Variants in NEXMIF observed in about 807,000 individuals in gnomAD.
NEXMIF encodes XLMR protein related to neurite extension.
NEXMIF carries 8 observed loss-of-function variants against 62.1 expected under a neutral mutation model. The ratio of observed to expected loss-of-function variants is 0.13; its 90% CI spans 0.08 to 0.23. NEXMIF has a LOEUF of 0.23. NEXMIF is among the 10% of genes least tolerant of loss of function. The pLI is 1.00. For synonymous variants in NEXMIF, 404 were observed against 416.6 expected (o/e 0.97, Z 0.37); for missense variants, 976 against 1,113.3 (o/e 0.88, Z 1.75).
intron 1 of NEXMIF, among the ~76,000 whole-genome samples, chrX:74,752,091 G>A (rs1438863529): frequency 4.5e-5 from 5 of 111,597 alleles, no homozygotes; most frequent in Non-Finnish European, 7.5e-5. Flanking sequence ...ACAGGCATGA[G>A]CCACTATGCC....
At position 74,775,087 on chromosome X, in the gene NEXMIF, T is replaced by C. The variant is rs757247501; in HGVS notation, c.-47-29390A>G. Reference sequence around the variant, plus strand: ...CTGTTATCCTGACCCACGTTGTTTTTTCCCCCACATCAGCTAATGGATAAG... The same window carrying C: ...CTGTTATCCTGACCCACGTTGTTTTCTCCCCCACATCAGCTAATGGATAAG... On this transcript the variant is annotated intron_variant, in intron 1 of 3. Transcript: ENST00000055682. Among the ~76,000 whole-genome samples, 6 of 111,778 alleles carry C rather than the reference T, an allele frequency of 5.4e-5. No individual in the cohort carries two copies. In the South Asian group the frequency reaches 2.3e-3, roughly 43 times the overall value.
intron 1 of NEXMIF, among the ~76,000 whole-genome samples, chrX:74,863,468 C>T (rs1193777854): frequency 9.0e-6 from 1 of 111,421 alleles, no homozygotes; most frequent in African/African-American, 3.3e-5. Flanking sequence ...ATACAAAAAA[C>T]CATCAGAGAA....
At chrX:74,811,260 G>C (rs573424648) in intron 1 of NEXMIF, among the ~76,000 whole-genome samples, 1 of 111,597 alleles carries the variant, frequency 9.0e-6, no homozygotes, top group African/African-American at 3.3e-5. Context: ...TGGCAATAAA[G>C]GTCTTCTAAG....
At chrX:74,917,798 T>C (rs1036932667) in intron 1 of NEXMIF, among the ~76,000 whole-genome samples, 1 of 110,999 alleles carries the variant, frequency 9.0e-6, no homozygotes, top group Non-Finnish European at 1.9e-5. Context: ...GAAATGTGAG[T>C]GAGCTTTTAT....
intron 1 of NEXMIF, among the ~76,000 whole-genome samples, chrX:74,899,315 T>C (rs1359139733): frequency 3.6e-5 from 4 of 111,370 alleles, no homozygotes; most frequent in Non-Finnish European, 7.5e-5. Flanking sequence ...TGATCTTATA[T>C]ATACAAAACC....
intron 1 of NEXMIF, among the ~76,000 whole-genome samples, chrX:74,898,338 T>C (rs1053300692): frequency 9.0e-6 from 1 of 111,265 alleles, no homozygotes; most frequent in Non-Finnish European, 1.9e-5. Flanking sequence ...ATCAGGTGAA[T>C]CCCAATTAAG....
rs1187453441 is a variant in NEXMIF at position 74,742,002 on chromosome X, A to G, written c.2555T>C (p.Phe852Ser). 1 of 1,209,901 alleles carries G rather than the reference A, an allele frequency of 8.3e-7. No homozygotes were observed. The highest frequency in any genetic ancestry group is 1.1e-6 in the Non-Finnish European group (1 of 895,137). Residue 852 changes from phenylalanine to serine, a missense_variant, in exon 3 of 4, where the codon TTT becomes TCT. Physicochemically the swap from Phe to Ser is radical, Grantham distance 155. Coordinates refer to ENST00000055682, the MANE Select transcript of NEXMIF (RefSeq NM_001008537.3). ...GTCCTGGGTAGGCTGGAGGGGTACA[A>G]ATGATTTTTCGGTTTGAGTGAGGCT... ...EGSLTQTEKS[F>S]VPLQPTQDCV...
chrX:74,820,112 TCA>T (rs1324041603), intron 1 of NEXMIF, among the ~76,000 whole-genome samples: 1 of 110,445 alleles, frequency 9.1e-6, no homozygotes, highest in Non-Finnish European at 1.9e-5. Context: ...CCACATTTTC[TCA>T]CTCATAGGTG....
At chrX:74,806,509 C>G (rs1402009528) in intron 1 of NEXMIF, among the ~76,000 whole-genome samples, 3 of 111,585 alleles carry the variant, frequency 2.7e-5, no homozygotes, top group Non-Finnish European at 5.6e-5. Context: ...TTAATTGTAA[C>G]AAATGTATCA....
Position 74,843,522 on chromosome X carries a change from C to T in NEXMIF, c.-48+81361G>A, listed in dbSNP as rs192348576. 8.1e-5 allele frequency among the ~76,000 whole-genome samples: 9 copies of T among 110,545 alleles called. No homozygotes were observed. The East Asian group carries it at 2.6e-3, about 32-fold the overall frequency. ...CTCCACCTCCCAGGTTCACATCATC[C>T]TCCTGCCTCAGCCTCCCGAGTAGCT... On this transcript the variant is annotated intron_variant, in intron 1 of 3. Transcript: ENST00000055682.
chrX:74,827,861 C>T (rs2147482481), intron 1 of NEXMIF, among the ~76,000 whole-genome samples: 1 of 111,863 alleles, frequency 8.9e-6, no homozygotes, highest in Non-Finnish European at 1.9e-5. Context: ...CCAACCCACC[C>T]CATCCCTGTG....
intron 1 of NEXMIF, among the ~76,000 whole-genome samples, chrX:74,870,288 A>AC (rs1391648047): frequency 2.7e-5 from 3 of 110,749 alleles, no homozygotes; most frequent in Non-Finnish European, 5.7e-5. Context: ...AGGAAACTTG[A>AC]CCCCCCATCT....
chrX:74,756,109 G>A (rs1243051369), intron 1 of NEXMIF, among the ~76,000 whole-genome samples: 7 of 108,725 alleles, frequency 6.4e-5, no homozygotes, highest in East Asian at 5.8e-4. Flanking sequence ...TCCTGATCTC[G>A]TGATCCACCA....
intron 1 of NEXMIF, among the ~76,000 whole-genome samples, chrX:74,780,403 G>A (rs1466838053): frequency 9.3e-6 from 1 of 107,791 alleles, no homozygotes; most frequent in Non-Finnish European, 1.9e-5. Flanking sequence ...TAGAGATGGG[G>A]TCTGGCTCTG....
In NEXMIF at chrX:74,744,417, A is replaced by G; in HGVS notation, c.140T>C (p.Ile47Thr). 1 of 1,209,645 alleles carries G rather than the reference A, an allele frequency of 8.3e-7. No homozygotes were observed. The highest frequency in any genetic ancestry group is 2.3e-4 in the Middle Eastern group (1 of 4,319). Residue 47 changes from isoleucine to threonine, a missense_variant, in exon 3 of 4, where the codon ATC becomes ACC. This residue lies in a region of NEXMIF where 126 missense variants were observed against 146.5 expected (regional missense o/e 0.86). Coordinates refer to ENST00000055682, the MANE Select transcript of NEXMIF (RefSeq NM_001008537.3). ...SFAALEAAAPIQPTPVAQKET... is the reference protein window; with the variant it reads ...SFAALEAAAPTQPTPVAQKET... Reference sequence around the variant, plus strand: ...TTTTTGTGCCACCGGTGTAGGCTGGATAGGTGCAGCAGCTTCTAGAGCTGC... The same window carrying G: ...TTTTTGTGCCACCGGTGTAGGCTGGGTAGGTGCAGCAGCTTCTAGAGCTGC...
chrX:74,763,023 A>G (rs2147450832), intron 1 of NEXMIF, among the ~76,000 whole-genome samples: 1 of 111,742 alleles, frequency 8.9e-6, no homozygotes, highest in East Asian at 2.8e-4. Context: ...TTGGTGTTTT[A>G]GACATAAAGT....
chrX:74,736,401 A>G lies in NEXMIF; in HGVS notation c.*3004T>C, dbSNP rs2080085081. The G allele has an allele frequency of 9.0e-6, 1 of 110,876 alleles. No individual in the cohort carries two copies. 9.1% of individuals were successfully genotyped at this position (110,876 alleles called of 1,213,427 possible). On this transcript the variant is annotated 3_prime_UTR_variant, in exon 4 of 4. Coordinates refer to ENST00000055682, the MANE Select transcript of NEXMIF (RefSeq NM_001008537.3). ...TAAGGGAGGTTACCATTTCCAGGAA[A>G]GTAAAGATTAAATGGGACTCTGTTA...
intron 1 of NEXMIF, chrX:74,769,630 C>A: frequency 1.6e-6 from 1 of 620,074 alleles, no homozygotes; most frequent in South Asian, 2.3e-5. Flanking sequence ...TATATTCAGT[C>A]ACGGTATCCG....
intron 1 of NEXMIF, among the ~76,000 whole-genome samples, chrX:74,876,526 GT>G (rs1192064751): frequency 2.8e-5 from 3 of 108,030 alleles, no homozygotes; most frequent in Non-Finnish European, 3.8e-5. Flanking sequence ...GCAGAGCTGA[GT>G]TCAATTCCTG....
Sources: allele counts gnomAD v4.1 joint callset (sites outside exome capture counted in the v4.1 genomes callset), GRCh38; gene constraint gnomAD v4.1.1; regional missense constraint gnomAD v4.1.1; transcripts MANE v1.5; gene names NCBI Gene and HGNC (gene_info 2026-07-23, HGNC 2026-07-21).